LINGO1: variants seen among roughly 807,000 people sequenced by gnomAD.
The protein encoded by LINGO1 is leucine-rich repeat and immunoglobulin-like domain-containing nogo receptor-interacting protein 1.
A neutral mutation model predicts 37.3 loss-of-function variants in LINGO1; 11 were observed. The observed-to-expected ratio is 0.29, with a 90% CI of 0.19 to 0.49. LINGO1 has a LOEUF of 0.49. LINGO1 is among the 20% of genes least tolerant of loss of function. The probability of loss-of-function intolerance (pLI) is 0.99; values close to 1 mark genes in which losing one functional copy is unlikely to be tolerated. For synonymous variants in LINGO1, 387 were observed against 403.0 expected, an observed-to-expected ratio of 0.96 and a Z score of 0.48; for missense variants, 585 against 878.2, an observed-to-expected ratio of 0.67 and a Z score of 4.22.
chr15:77,706,053 A>G (rs2075848717), intron 2 of LINGO1, among the ~76,000 whole-genome samples: 1 of 152,130 alleles, frequency 6.6e-6, no homozygotes, highest in Non-Finnish European at 1.5e-5. Flanking sequence ...CCTTGTCTGT[A>G]AGATGGGGAT....
At chr15:77,660,628 A>C (rs1261177957) in intron 3 of LINGO1, among the ~76,000 whole-genome samples, 1 of 152,208 alleles carries the variant, frequency 6.6e-6, no homozygotes, top group Non-Finnish European at 1.5e-5. Context: ...ATTTCTCCTT[A>C]AACTCCCACC....
At position 77,730,105 on chromosome 15, in the gene LINGO1, G is replaced by T. The variant is rs139538495; in HGVS notation, c.-195+4887C>A. ...GGGAGTAGGGGGAAGGCTGAAGCAG[G>T]CCCCAGCCCTGTCCCTCTTGGCTCT... On this transcript the variant is annotated intron_variant, in intron 2 of 3. Coordinates refer to the LINGO1 transcript ENST00000561686. Among the ~76,000 whole-genome samples the T allele has an allele frequency of 4.3e-3, 656 of 151,954 alleles. 3 individuals carry two copies. Among genetic ancestry groups the T allele is most frequent in the Admixed American group, 8.3e-3 (127 of 15,220 alleles).
chr15:77,656,466 G>T (rs1486731066), intron 3 of LINGO1, among the ~76,000 whole-genome samples: 1 of 152,200 alleles, frequency 6.6e-6, no homozygotes, highest in South Asian at 2.1e-4. Flanking sequence ...CCAGTGTGCG[G>T]GTTCTCATGG....
At chr15:77,790,559 T>C (rs907687464), upstream of LINGO1, among the ~76,000 whole-genome samples, 2 of 152,062 alleles carry the variant, frequency 1.3e-5, no homozygotes, top group African/African-American at 2.4e-5. Context: ...ATGAGTTCTC[T>C]TCTTTAAGAG....
chr15:77,619,286 A>G (rs148576882), intron 1 of LINGO1, among the ~76,000 whole-genome samples: 1 of 152,260 alleles, frequency 6.6e-6, no homozygotes, highest in East Asian at 1.9e-4. Context: ...AAACATGCGC[A>G]TGAGTGAGTT....
intron 2 of LINGO1, among the ~76,000 whole-genome samples, chr15:77,706,752 A>C (rs1351492155): frequency 6.6e-6 from 1 of 152,352 alleles, no homozygotes; most frequent in South Asian, 2.1e-4. Flanking sequence ...CTCACTCGGA[A>C]AGGGGCCATG....
chr15:77,655,226 C>T (rs1482837444), intron 3 of LINGO1, among the ~76,000 whole-genome samples: 1 of 152,210 alleles, frequency 6.6e-6, no homozygotes, highest in South Asian at 2.1e-4. Flanking sequence ...CCAGACACAG[C>T]AGGTGAAGTT....
At chr15:77,803,398 A>G (rs1462076268) in intron 1 of LINGO1, among the ~76,000 whole-genome samples, 1 of 152,050 alleles carries the variant, frequency 6.6e-6, no homozygotes, top group African/African-American at 2.4e-5. Context: ...CAGTGAGCTA[A>G]GACCACACCG....
At chr15:77,620,137 A>G (rs2073872888) in intron 1 of LINGO1, among the ~76,000 whole-genome samples, 1 of 151,938 alleles carries the variant, frequency 6.6e-6, no homozygotes, top group Non-Finnish European at 1.5e-5. Flanking sequence ...TCTGCTGGCT[A>G]CTCCTGCAAC....
chr15:77,786,311 G>A (rs2076770461), intron 1 of LINGO1, among the ~76,000 whole-genome samples: 1 of 152,152 alleles, frequency 6.6e-6, no homozygotes, highest in South Asian at 2.1e-4. Flanking sequence ...CACCCAGTAA[G>A]TGGCAGGGCT....
At chr15:77,721,968 T>C (rs1268264276) in intron 2 of LINGO1, among the ~76,000 whole-genome samples, 3 of 151,750 alleles carry the variant, frequency 2.0e-5, no homozygotes, top group African/African-American at 7.3e-5. Context: ...ACAAATCCAC[T>C]TGCTCATCAA....
chr15:77,661,218 G>A (rs2074986044), intron 3 of LINGO1, among the ~76,000 whole-genome samples: 1 of 152,216 alleles, frequency 6.6e-6, no homozygotes, highest in South Asian at 2.1e-4. Flanking sequence ...AAGGCAGAGG[G>A]ACAGAGAGAC....
intron 1 of LINGO1, among the ~76,000 whole-genome samples, chr15:77,816,773 T>C (rs943633341): frequency 2.6e-5 from 4 of 151,882 alleles, no homozygotes; most frequent in African/African-American, 9.7e-5. Context: ...GAAGGGTTCA[T>C]TTTGTGGAGT....
intron 2 of LINGO1, among the ~76,000 whole-genome samples, chr15:77,707,755 G>A (rs1465038871): frequency 6.6e-6 from 1 of 152,194 alleles, no homozygotes; most frequent in African/African-American, 2.4e-5. Context: ...GAAGAGGCTG[G>A]GCAGCCCTTG....
At chr15:77,775,590 C>T (rs2076628913) in intron 1 of LINGO1, among the ~76,000 whole-genome samples, 1 of 152,192 alleles carries the variant, frequency 6.6e-6, no homozygotes, top group Admixed American at 6.5e-5. Context: ...CCACACCCAG[C>T]TCTTGACAGG....
At chr15:77,696,677 TCA>T (rs1472392688), upstream of LINGO1, among the ~76,000 whole-genome samples, 1 of 152,146 alleles carries the variant, frequency 6.6e-6, no homozygotes, top group East Asian at 1.9e-4. Context: ...TCTGGGTGTC[TCA>T]CACCCTGGGC....
chr15:77,682,277 A>AGAGTGTGTGTGTGTGT (rs1491376369), intron 2 of LINGO1, among the ~76,000 whole-genome samples: 1 of 139,832 alleles, frequency 7.2e-6, no homozygotes, highest in Admixed American at 7.1e-5. Context: ...TAGAGATTAA[A>AGAGTGTGTGTGTGTGT]GTGTGTGTGT....
At chr15:77,765,822 T>A (rs988531937) in intron 1 of LINGO1, among the ~76,000 whole-genome samples, 17 of 152,144 alleles carry the variant, frequency 1.1e-4, no homozygotes, top group Non-Finnish European at 2.2e-4. Context: ...CATTGGGGCT[T>A]CCCTGTGAAC....
chr15:77,783,596 T>C (rs563238643), intron 1 of LINGO1, among the ~76,000 whole-genome samples: 43 of 152,292 alleles, frequency 2.8e-4, no homozygotes, highest in African/African-American at 1.0e-3. Flanking sequence ...CTGAGCCCGG[T>C]TTCTTCGTCC....
Sources: allele counts gnomAD v4.1 joint callset (sites outside exome capture counted in the v4.1 genomes callset), GRCh38; gene constraint gnomAD v4.1.1; transcripts MANE v1.5; gene names NCBI Gene and HGNC (gene_info 2026-07-23, HGNC 2026-07-21).